TRMT44: variants seen among roughly 807,000 people sequenced by gnomAD.
TRMT44 encodes tRNA methyltransferase 44 homolog, also known as probable tRNA (uracil-O(2)-)-methyltransferase.
A neutral mutation model predicts 77.3 loss-of-function variants in TRMT44; 78 were observed. The observed-to-expected ratio is 1.01, with a 90% CI of 0.84 to 1.22. The LOEUF (loss-of-function observed/expected upper bound fraction) is 1.22, where lower values mean the gene tolerates loss of function less well. Among genes scored for constraint, TRMT44 ranks in the 50% most tolerant of loss-of-function variants. The pLI is 0.00. For synonymous variants in TRMT44, 391 were observed against 383.3 expected (o/e 1.02, Z -0.23); for missense variants, 1,090 against 964.4 (o/e 1.13, Z -1.73).
At position 8,441,419 on chromosome 4, in the gene TRMT44, C is replaced by G. The variant is rs764199493; in HGVS notation, c.597C>G (p.Pro199=). Residue 199 remains proline, a synonymous_variant, in exon 1 of 11, where the codon CCC becomes CCG. Transcript: ENST00000389737. The part of the protein sequence containing the change: ...KTSPHCPLTT[P]RREIVVQDVL... Reference sequence around the variant, plus strand: ...GCCCACATTGCCCCCTTACAACTCCCAGGAGGGAAATAGTCGTGCAAGGTA... The same window carrying G: ...GCCCACATTGCCCCCTTACAACTCCGAGGAGGGAAATAGTCGTGCAAGGTA... 10 of 1,519,570 alleles carry G rather than the reference C, an allele frequency of 6.6e-6. No individual in the cohort carries two copies. Among genetic ancestry groups the G allele is most frequent in the Admixed American group, 6.0e-5 (3 of 50,414 alleles). The allele number at this position is 1,519,570 out of a possible 1,614,324, so 94.1% of individuals were successfully genotyped here.
At chr4:8,487,833 C>T (rs888750617) in intron 2 of TRMT44, among the ~76,000 whole-genome samples, 1 of 152,134 alleles carries the variant, frequency 6.6e-6, no homozygotes, top group Non-Finnish European at 1.5e-5. Flanking sequence ...CCAAGGCAGG[C>T]GTCCATGAGT....
intron 1 of TRMT44, among the ~76,000 whole-genome samples, chr4:8,443,299 CAG>C (rs1376006745): frequency 1.3e-5 from 2 of 152,184 alleles, no homozygotes; most frequent in Non-Finnish European, 2.9e-5. Context: ...CTTCGCTGAA[CAG>C]AGGGGTAGGA....
At chr4:8,481,562 G>A (rs1727614425) in intron 2 of TRMT44, among the ~76,000 whole-genome samples, 1 of 152,200 alleles carries the variant, frequency 6.6e-6, no homozygotes, top group Non-Finnish European at 1.5e-5. Context: ...TCCCGCTGCT[G>A]CCTGCCTACC....
intron 7 of TRMT44, among the ~76,000 whole-genome samples, chr4:8,464,976 A>G (rs1200527944): frequency 1.3e-5 from 2 of 152,202 alleles, no homozygotes; most frequent in African/African-American, 2.4e-5. Flanking sequence ...CAAAAACGAA[A>G]TGCCGCATGT....
intron 9 of TRMT44, among the ~76,000 whole-genome samples, chr4:8,470,230 G>A (rs1338502458): frequency 6.6e-6 from 1 of 152,240 alleles, no homozygotes; most frequent in Non-Finnish European, 1.5e-5. Context: ...GGCCAGGCTG[G>A]GTGGGCAGGA....
chr4:8,454,225 A>G (rs1329686474), intron 5 of TRMT44, among the ~76,000 whole-genome samples: 1 of 152,172 alleles, frequency 6.6e-6, no homozygotes, highest in Admixed American at 6.5e-5. Context: ...CCCACACTAA[A>G]GGCCACTGTG....
chr4:8,485,167 G>C (rs578241134), intron 2 of TRMT44, among the ~76,000 whole-genome samples: 121 of 152,356 alleles, frequency 7.9e-4, no homozygotes, highest in African/African-American at 2.6e-3. Context: ...GCCCAGGTAA[G>C]CTGCTGGGAC....
the TRMT44 span, among the ~76,000 whole-genome samples, chr4:8,502,806 T>TC: frequency 2.0e-5 from 3 of 152,152 alleles, no homozygotes; most frequent in African/African-American, 7.2e-5. Context: ...AGGTCCCAGC[T>TC]CCCAGATCCC....
At chr4:8,462,051 CTTAA>C (rs1316894476) in intron 6 of TRMT44, among the ~76,000 whole-genome samples, 1 of 152,202 alleles carries the variant, frequency 6.6e-6, no homozygotes, top group African/African-American at 2.4e-5. Context: ...CACAAATTGT[CTTAA>C]TTGTGTGAAC....
intron 10 of TRMT44, among the ~76,000 whole-genome samples, chr4:8,474,841 C>T (rs1349866109): frequency 1.3e-5 from 2 of 152,158 alleles, no homozygotes; most frequent in East Asian, 1.9e-4. Context: ...ATTTGGGCGG[C>T]GGGGTCAGGA....
chr4:8,450,026 G>GCC, intron 3 of TRMT44, 138 bp downstream of exon 3: 1 of 495,348 alleles, frequency 2.0e-6, no homozygotes. Context: ...GAGTGAAGTG[G>GCC]TGTGATCTTG....
intron 2 of TRMT44, among the ~76,000 whole-genome samples, 176 bp from the exon 3 acceptor site, chr4:8,449,493 T>C (rs1306254771): frequency 1.3e-5 from 2 of 152,256 alleles, no homozygotes; most frequent in East Asian, 3.8e-4. Context: ...TTCTCTGTGC[T>C]TTTTACATGT....
At chr4:8,441,476 G>C in intron 1 of TRMT44, 35 bp downstream of exon 1, 1 of 1,445,468 alleles carries the variant, frequency 6.9e-7, no homozygotes, top group Non-Finnish European at 9.1e-7. Context: ...GATATGATTA[G>C]ATAAAAAAGC....
rs556893640 is a variant in TRMT44 at position 8,484,693 on chromosome 4, A to G, written n.3891+5160A>G. 4.6e-5 allele frequency among the ~76,000 whole-genome samples: 7 copies of G among 152,314 alleles called. No homozygotes were observed. The East Asian group carries it at 1.3e-3, about 29-fold the overall frequency. On this transcript the variant is annotated intron_variant and non_coding_transcript_variant, in intron 2 of 2. Transcript: ENST00000511366. ...CTAAAGTTGTCTTCAAGGAACAGAA[A>G]GAGGAGTGGGGAAAGGATTTAGGAT...
chr4:8,475,734 T>C, intron 10 of TRMT44, 38 bp from the exon 11 acceptor site: 1 of 1,600,454 alleles, frequency 6.2e-7, no homozygotes, highest in Non-Finnish European at 8.5e-7. Flanking sequence ...AACTTTCAGG[T>C]TTACTTCTCA....
At chr4:8,482,180 C>T (rs997664915) in intron 2 of TRMT44, 1 of 152,228 alleles carries the variant, frequency 6.6e-6, no homozygotes, top group African/African-American at 2.4e-5. Context: ...TCCAGCAGCT[C>T]ATTTGTCAGT....
At chr4:8,442,677 T>C (rs1417374030) in intron 1 of TRMT44, among the ~76,000 whole-genome samples, 1 of 152,198 alleles carries the variant, frequency 6.6e-6, no homozygotes, top group African/African-American at 2.4e-5. Context: ...GTTGGTAGAA[T>C]CCAATTTTTT....
downstream of TRMT44, among the ~76,000 whole-genome samples, chr4:8,494,105 AAATC>A (rs1728088488): frequency 1.3e-5 from 2 of 151,474 alleles, no homozygotes; most frequent in Non-Finnish European, 2.9e-5. Flanking sequence ...TGTGAAAGGA[AAATC>A]AATCTCGGGA....
At chr4:8,514,524 G>A in the TRMT44 span, among the ~76,000 whole-genome samples, 3 of 151,950 alleles carry the variant, frequency 2.0e-5, no homozygotes, top group Admixed American at 1.3e-4. Flanking sequence ...TGATCCGCCC[G>A]CCTCAGCCTC....
Sources: allele counts gnomAD v4.1 joint callset (sites outside exome capture counted in the v4.1 genomes callset), GRCh38; gene constraint gnomAD v4.1.1; transcripts MANE v1.5; gene names NCBI Gene and HGNC (gene_info 2026-07-23, HGNC 2026-07-21).